RFWD3: variants seen among roughly 807,000 people sequenced by gnomAD.
The protein encoded by RFWD3 is ring finger and WD repeat domain 3, also known as E3 ubiquitin-protein ligase RFWD3.
RFWD3 carries 65 observed loss-of-function variants against 87.7 expected under a neutral mutation model. That is an observed-to-expected ratio of 0.74 (90% confidence interval 0.61 to 0.91). The LOEUF is 0.91. Ranked by LOEUF, RFWD3 falls within the 40% of genes least tolerant of loss-of-function variation. RFWD3 has a pLI of 0.00. For missense variants in RFWD3, 1,078 were observed against 938.5 expected, an observed-to-expected ratio of 1.15 and a Z score of -1.94; for synonymous variants, 433 against 352.8, an observed-to-expected ratio of 1.23 and a Z score of -2.55.
rs1293755071 is a variant in RFWD3 at position 74,632,553 on chromosome 16, G to A, written c.1547C>T (p.Ala516Val). 1 of 1,614,054 alleles carries A rather than the reference G, an allele frequency of 6.2e-7. No homozygotes were observed. The highest frequency in any genetic ancestry group is 1.1e-5 in the South Asian group (1 of 91,080). ...CAGTTTAATAGTGTTGTCTAGGGAAGCAGAGAGTAGCAAGCCTCTGAGGTA... is the reference window on the plus strand; with the variant it reads ...CAGTTTAATAGTGTTGTCTAGGGAAACAGAGAGTAGCAAGCCTCTGAGGTA... ...SSYLRGLLLS[A>V]SLDNTIKLTS... The change falls in exon 9 of 13, where the codon GCT (alanine) becomes GTT (valine). Residue 516 changes from alanine (A) to valine (V), a missense_variant. Ala to Val is a moderately conservative substitution (Grantham distance 64). Transcript: ENST00000361070.
At chr16:74,656,457 T>G (rs139499768) in intron 2 of RFWD3, among the ~76,000 whole-genome samples, 1 of 151,970 alleles carries the variant, frequency 6.6e-6, no homozygotes, top group African/African-American at 2.4e-5. Context: ...ACAAAGTAAA[T>G]TGAAAACCTT....
chr16:74,658,550 A>G (rs1961177539), intron 2 of RFWD3, among the ~76,000 whole-genome samples: 1 of 152,332 alleles, frequency 6.6e-6, no homozygotes, highest in Admixed American at 6.5e-5. Context: ...TTCAGAAGTT[A>G]TAAGCGATTA....
rs750147212 is a variant in RFWD3, at chr16:74,636,452, C to G, written c.1320G>C (p.Lys440Asn). 2.9e-5 allele frequency: 47 copies of G among 1,614,026 alleles called. No individual in the cohort carries two copies. In the South Asian group the frequency reaches 4.5e-4, roughly 15 times the overall value. ...TTCCTGCCTGAGATACTGTGAAGGT[C>G]TTTTGGAAGTGGTACTTGTGCTTGT... ...GQHKHKYHFQ[K>N]TFTVSQAGNC... The change falls in exon 8 of 13, where the codon AAG becomes AAC. Residue 440 changes from lysine to asparagine, a missense_variant. Coordinates refer to ENST00000361070, the MANE Select transcript of RFWD3 (RefSeq NM_018124.4).
intron 2 of RFWD3, among the ~76,000 whole-genome samples, chr16:74,652,545 G>A (rs1281147419): frequency 6.6e-6 from 1 of 152,104 alleles, no homozygotes; most frequent in Non-Finnish European, 1.5e-5. Context: ...AGGTATTTTG[G>A]AGTACAGTAC....
intron 6 of RFWD3, among the ~76,000 whole-genome samples, chr16:74,642,057 T>C (rs1341516405): frequency 2.0e-5 from 3 of 152,082 alleles, no homozygotes; most frequent in African/African-American, 7.2e-5. Flanking sequence ...TTGGGAATGC[T>C]GAACACCTAA....
chr16:74,647,721 A>G (rs1960262586), intron 4 of RFWD3, among the ~76,000 whole-genome samples: 1 of 152,074 alleles, frequency 6.6e-6, no homozygotes, highest in Non-Finnish European at 1.5e-5. Context: ...CCTCCTGAGT[A>G]GCTGGGATTA....
intron 2 of RFWD3, among the ~76,000 whole-genome samples, chr16:74,657,713 A>T (rs1169002594): frequency 6.6e-6 from 1 of 152,040 alleles, no homozygotes; most frequent in Non-Finnish European, 1.5e-5. Context: ...ACCTCAGGTG[A>T]TTCGCCTGCC....
At chr16:74,634,491 C>T (rs1161516637) in intron 8 of RFWD3, among the ~76,000 whole-genome samples, 5 of 152,010 alleles carry the variant, frequency 3.3e-5, no homozygotes, top group Non-Finnish European at 7.4e-5. Context: ...CTCAAGCGAT[C>T]CTCCCAACTC....
chr16:74,662,455 T>G (rs1482172182), intron 1 of RFWD3, among the ~76,000 whole-genome samples: 1 of 152,212 alleles, frequency 6.6e-6, no homozygotes, highest in Non-Finnish European at 1.5e-5. Flanking sequence ...GTTTAGATTC[T>G]AGCAAGTAAG....
chr16:74,657,533 T>C (rs1288464902), intron 2 of RFWD3, among the ~76,000 whole-genome samples: 1 of 150,136 alleles, frequency 6.7e-6, no homozygotes, highest in African/African-American at 2.5e-5. Context: ...TGGAGTGTAG[T>C]GGCGCAATCT....
chr16:74,624,785 T>C (rs1016065963), intron 12 of RFWD3, among the ~76,000 whole-genome samples: 9 of 152,162 alleles, frequency 5.9e-5, no homozygotes, highest in Non-Finnish European at 1.2e-4. Context: ...AGCTTGAGGA[T>C]AGGAGATTGA....
intron 6 of RFWD3, among the ~76,000 whole-genome samples, chr16:74,641,831 C>T (rs1959672657): frequency 7.1e-6 from 1 of 140,480 alleles, no homozygotes; most frequent in Non-Finnish European, 1.5e-5. Flanking sequence ...GAGACTGAGG[C>T]AGGAGAATTG....
chr16:74,636,751 T>C (rs961081347), intron 7 of RFWD3, among the ~76,000 whole-genome samples, 174 bp from the exon 8 acceptor site: 4 of 151,876 alleles, frequency 2.6e-5, no homozygotes, highest in African/African-American at 9.7e-5. Flanking sequence ...TCTCACTCTG[T>C]CACCCAGGCT....
chr16:74,653,038 C>G (rs1171175344), intron 2 of RFWD3, among the ~76,000 whole-genome samples: 1 of 152,122 alleles, frequency 6.6e-6, no homozygotes, highest in East Asian at 1.9e-4. Context: ...TCTAGGGACA[C>G]ACACACACAG....
chr16:74,639,534 T>C (rs1959453125), intron 6 of RFWD3, among the ~76,000 whole-genome samples: 1 of 152,146 alleles, frequency 6.6e-6, no homozygotes, highest in Non-Finnish European at 1.5e-5. Context: ...AAGAAAACAG[T>C]GAACAAATGG....
At chr16:74,635,004 G>T (rs9929931) in intron 8 of RFWD3, among the ~76,000 whole-genome samples, 3 of 151,824 alleles carry the variant, frequency 2.0e-5, no homozygotes, top group Non-Finnish European at 4.4e-5. Flanking sequence ...GGCATAGCCG[G>T]GCGCGGTGGC....
chr16:74,627,745 A>G (rs1007095784), intron 11 of RFWD3, among the ~76,000 whole-genome samples: 2 of 152,224 alleles, frequency 1.3e-5, no homozygotes, highest in African/African-American at 4.8e-5. Context: ...GCCATCTGCC[A>G]GGACAGAGGA....
At position 74,622,118 on chromosome 16, in the gene RFWD3, C is replaced by T. The variant is rs1958788721; in HGVS notation, c.*1810G>A. 6.6e-6 allele frequency: 1 copy of T among 152,096 alleles called. No individual in the cohort carries two copies. Among genetic ancestry groups the T allele is most frequent in the South Asian group, 2.1e-4 (1 of 4,812 alleles). 9.4% of individuals were successfully genotyped at this position (152,096 alleles called of 1,614,324 possible). On this transcript the variant is annotated 3_prime_UTR_variant, in exon 13 of 13. Coordinates refer to ENST00000361070, the MANE Select transcript of RFWD3 (RefSeq NM_018124.4). ...AAGTCAAATCCTAAGCCTGCCCAGG[C>T]CCAAAGACAAAGCCAGCCAGGACCT... is the stretch of plus-strand genomic sequence containing the variant.
intron 12 of RFWD3, among the ~76,000 whole-genome samples, 153 bp downstream of exon 12, chr16:74,626,190 T>C (rs1205264491): frequency 6.6e-6 from 1 of 152,086 alleles, no homozygotes; most frequent in Non-Finnish European, 1.5e-5. Flanking sequence ...CCAAGCAATC[T>C]CACATACACA....
Sources: gnomAD v4.1 joint callset for allele counts (sites outside exome capture counted in the v4.1 genomes callset) on GRCh38, gnomAD v4.1.1 for gene constraint, MANE v1.5 for transcripts, NCBI Gene and HGNC (gene_info 2026-07-23, HGNC 2026-07-21) for gene names.